The following ARMC8 variants were observed in gnomAD, a reference collection of about 807,000 sequenced individuals.
The protein encoded by ARMC8 is armadillo repeat containing 8, also known as armadillo repeat-containing protein 8.
In ARMC8, 20 loss-of-function variants were observed where a neutral mutation model predicts 99.3. That is an observed-to-expected ratio of 0.20 (90% CI 0.14 to 0.29). The LOEUF (loss-of-function observed/expected upper bound fraction) is 0.29, where lower values mean the gene tolerates loss of function less well. Ranked by LOEUF, ARMC8 falls within the 10% of genes least tolerant of loss-of-function variation. The pLI, the probability that ARMC8 is intolerant of heterozygous loss-of-function variation, is 1.00. For synonymous variants in ARMC8, 263 were observed against 278.3 expected, an observed-to-expected ratio of 0.95 and a Z score of 0.55; for missense variants, 569 against 809.5, an observed-to-expected ratio of 0.70 and a Z score of 3.60.
intron 10 of ARMC8, among the ~76,000 whole-genome samples, chr3:138,241,189 A>C (rs555342204): frequency 6.6e-6 from 1 of 152,380 alleles, no homozygotes; most frequent in African/African-American, 2.4e-5. Flanking sequence ...TGCTAATTCC[A>C]GCAAGTTACT....
At chr3:138,245,968 C>T (rs1340546776) in intron 12 of ARMC8, 2 of 985,198 alleles carry the variant, frequency 2.0e-6, no homozygotes, top group Non-Finnish European at 2.4e-6. Flanking sequence ...CTTGAGGAGC[C>T]ATAGCAGAAA....
chr3:138,207,363 T>A (rs566028663), intron 1 of ARMC8, among the ~76,000 whole-genome samples: 1 of 152,376 alleles, frequency 6.6e-6, no homozygotes, highest in East Asian at 1.9e-4. Flanking sequence ...GCCTTGCTTA[T>A]CTTCTTTATT....
chr3:138,255,763 TG>T (rs1220676720), intron 12 of ARMC8, among the ~76,000 whole-genome samples: 1 of 152,160 alleles, frequency 6.6e-6, no homozygotes, highest in Non-Finnish European at 1.5e-5. Flanking sequence ...ATAGATCCCT[TG>T]AGGTCAGGAG....
intron 12 of ARMC8, chr3:138,246,884 A>G: frequency 1.1e-6 from 1 of 902,124 alleles, no homozygotes; most frequent in South Asian, 5.1e-5. Flanking sequence ...ATAATTATTA[A>G]TTATAGTTTT....
intron 12 of ARMC8, chr3:138,262,441 T>A (rs1410511244): frequency 2.2e-6 from 3 of 1,370,404 alleles, no homozygotes; most frequent in Non-Finnish European, 2.0e-6. Context: ...TGATCATTGT[T>A]AATTTCAACA....
intron 1 of ARMC8, among the ~76,000 whole-genome samples, chr3:138,194,640 CATT>C: frequency 1.3e-5 from 2 of 151,710 alleles, no homozygotes; most frequent in South Asian, 2.1e-4. Flanking sequence ...GCCCAGCTGT[CATT>C]ATTTTTTTTT....
chr3:138,263,806 G>C lies in ARMC8; in HGVS notation c.1202G>C (p.Arg401Pro), dbSNP rs181951568. Residue 401 changes from arginine to proline, a missense_variant, in exon 13 of 22, where the codon CGG (arginine) becomes CCG (proline). Physicochemically the swap from Arg to Pro is moderately radical, Grantham distance 103 (BLOSUM62 -2). Around this residue, in one of 2 missense-constraint regions of ARMC8, gnomAD observed 227 missense variants for 417.9 expected, o/e 0.54. Transcript: ENST00000469044. ...TGLSESSVKV[R>P]LAAVRCLHSL... is the part of the protein sequence containing the mutation. ...TTGTCTGAGTCTAGTGTCAAGGTGCGGTTAGCTGCCGTCAGGTATGAGCTT... is the reference window on the plus strand; with the variant it reads ...TTGTCTGAGTCTAGTGTCAAGGTGCCGTTAGCTGCCGTCAGGTATGAGCTT... 6.2e-6 allele frequency: 10 copies of C among 1,613,894 alleles called. No individual in the cohort carries two copies. Among genetic ancestry groups the C allele is most frequent in the Non-Finnish European group, 8.5e-6 (10 of 1,179,816 alleles).
intron 1 of ARMC8, among the ~76,000 whole-genome samples, chr3:138,195,203 G>A (rs562611540): frequency 2.6e-5 from 4 of 151,918 alleles, no homozygotes; most frequent in South Asian, 4.2e-4. Context: ...GCGTGAACCC[G>A]GGAAGTGGAG....
In ARMC8 at chr3:138,247,240, T is replaced by C. The variant is rs577141661; in HGVS notation, c.1134+2057T>C. Reference sequence around the variant, plus strand: ...GAAATATTTATTTCTTGTTTACACTTATGTCTTATGAACTTGACTGTATTT... The same window carrying C: ...GAAATATTTATTTCTTGTTTACACTCATGTCTTATGAACTTGACTGTATTT... On this transcript the variant is annotated intron_variant, in intron 12 of 21. Transcript: ENST00000469044. 7.2e-5 allele frequency among the ~76,000 whole-genome samples: 11 copies of C among 152,334 alleles called. No individual in the cohort carries two copies. The South Asian group carries it at 2.1e-3, about 29-fold the overall frequency.
chr3:138,209,760 T>G (rs2044590696), intron 1 of ARMC8, 57 bp from the exon 2 acceptor site: 3 of 1,387,062 alleles, frequency 2.2e-6, no homozygotes, highest in Non-Finnish European at 2.1e-6. Context: ...TGGGTGATGC[T>G]GTGAATTTGT....
chr3:138,238,571 ATTTG>A (rs1027294108), intron 9 of ARMC8: 4 of 152,002 alleles, frequency 2.6e-5, no homozygotes, highest in South Asian at 4.1e-4. Flanking sequence ...TTTGGTTTTT[ATTTG>A]TTTGTATCAT....
At chr3:138,229,082 G>T in intron 6 of ARMC8, 72 bp downstream of exon 6, 1 of 1,004,496 alleles carries the variant, frequency 1.0e-6, no homozygotes, top group Non-Finnish European at 1.4e-6. Flanking sequence ...CCTTCTTTGT[G>T]TACCCTCCCA....
intron 2 of ARMC8, among the ~76,000 whole-genome samples, chr3:138,213,215 T>TA (rs1228373339): frequency 6.6e-6 from 1 of 152,232 alleles, no homozygotes; most frequent in East Asian, 1.9e-4. Context: ...CTAGCTGAGT[T>TA]AGAGCTATAG....
rs747496587 is a variant in ARMC8, at chr3:138,188,487, C to A, written c.45+888C>A. The A allele has an allele frequency of 1.9e-6, 3 of 1,613,088 alleles. No homozygotes were observed. In the South Asian group the frequency reaches 3.3e-5, roughly 18 times the overall value. On this transcript the variant is annotated intron_variant, in intron 1 of 21. Coordinates refer to ENST00000469044, the MANE Select transcript of ARMC8 (RefSeq NM_001363941.2). ...AATGAAAGTTACTGGGAGATAACTT[C>A]GAAGGATTTTGCAACAAATTCGAGC...
intron 2 of ARMC8, among the ~76,000 whole-genome samples, chr3:138,210,350 T>G (rs929383202): frequency 6.6e-6 from 1 of 152,232 alleles, no homozygotes; most frequent in Non-Finnish European, 1.5e-5. Flanking sequence ...GTCAGAAAAT[T>G]TAAACTCTTA....
intron 10 of ARMC8, 125 bp from the exon 11 acceptor site, chr3:138,241,658 T>A (rs998846388): frequency 3.7e-6 from 3 of 820,630 alleles, no homozygotes; most frequent in Admixed American, 5.4e-5. Context: ...TCTCTAGAAG[T>A]CAGTAAAGGA....
chr3:138,274,725 T>G (rs2049109131), intron 18 of ARMC8, among the ~76,000 whole-genome samples, 181 bp downstream of exon 18: 1 of 152,216 alleles, frequency 6.6e-6, no homozygotes. Context: ...CTTCCTGAAA[T>G]AGAGGAAAAC....
At position 138,267,209 on chromosome 3, in the gene ARMC8, A is replaced by G; in HGVS notation, c.1354A>G (p.Asn452Asp). 3.8e-6 allele frequency: 6 copies of G among 1,580,332 alleles called. No individual in the cohort carries two copies. The highest frequency in any genetic ancestry group is 5.2e-6 in the Non-Finnish European group (6 of 1,162,356). ...ILVVASSMLCNLLLEFSPSKE... is the reference protein window; with the variant it reads ...ILVVASSMLCDLLLEFSPSKE... The stretch of plus-strand genomic sequence containing the variant: ...AGTGGTAGCATCTTCCATGCTGTGT[A>G]ATCTTCTTCTTGAATTTTCTCCAAG... The change falls in exon 15 of 22, where the codon AAT becomes GAT. Residue 452 changes from asparagine (N) to aspartate (D), a missense_variant. By Grantham distance (23) the Asn-to-Asp change is conservative. This residue lies in a region of ARMC8 where 227 missense variants were observed against 417.9 expected (regional missense o/e 0.54). Coordinates refer to ENST00000469044, the MANE Select transcript of ARMC8 (RefSeq NM_001363941.2).
chr3:138,223,646 C>T lies in ARMC8; in HGVS notation c.348C>T (p.Ser116=), dbSNP rs1311863994. 1 of 1,614,112 alleles carries T rather than the reference C, an allele frequency of 6.2e-7. No homozygotes were observed. The highest frequency in any genetic ancestry group is 1.1e-5 in the South Asian group (1 of 91,080). ...CATTTCTGTTAATAGGACTACTGTC[C>T]CCAGACCTGAAGTTTATTGAAGCTT... ...IIPALLQGLL[S]PDLKFIEACL... The change falls in exon 5 of 22, where the codon TCC becomes TCT. Residue 116 remains serine (S), a synonymous_variant. Transcript: ENST00000469044.
Sources: gnomAD v4.1 joint callset for allele counts (sites outside exome capture counted in the v4.1 genomes callset) on GRCh38, gnomAD v4.1.1 for gene constraint, gnomAD v4.1.1 regional missense constraint, MANE v1.5 for transcripts, NCBI Gene and HGNC (gene_info 2026-07-23, HGNC 2026-07-21) for gene names.